Variants in MDFIC2 observed in about 807,000 individuals in gnomAD.
MDFIC2 encodes the protein myoD family inhibitor domain-containing protein 2.
chr3:70,246,935 G>A (rs755030299), intron 2 of MDFIC2, among the ~76,000 whole-genome samples: 31 of 151,796 alleles, frequency 2.0e-4, no homozygotes, highest in Admixed American at 1.2e-3. Context: ...TCAATAATTC[G>A]TAATTATAGG....
Position 70,214,891 on chromosome 3 carries a change from ATAGT to A in MDFIC2, c.89-8105_89-8102del, listed in dbSNP as rs1270404989. Among the ~76,000 whole-genome samples the A allele has an allele frequency of 3.9e-5, 6 of 152,104 alleles. No homozygotes were observed. The East Asian group carries it at 9.7e-4, about 24-fold the overall frequency. ...AAAGATTATGTTATCTGAGAAAAAA[ATAGT>A]TAGCAGTTTTTATAGTTTGATGCAC... On this transcript the variant is annotated intron_variant, in intron 2 of 3. Coordinates refer to ENST00000567252, the MANE Select transcript of MDFIC2 (RefSeq NM_001364677.1).
chr3:70,248,462 G>T (rs1575606209), intron 2 of MDFIC2, among the ~76,000 whole-genome samples: 1 of 152,062 alleles, frequency 6.6e-6, no homozygotes, highest in Non-Finnish European at 1.5e-5. Context: ...AGGGTAGAAA[G>T]AATGCCAGGA....
At chr3:70,222,929 G>T (rs1486134978) in intron 2 of MDFIC2, among the ~76,000 whole-genome samples, 1 of 152,086 alleles carries the variant, frequency 6.6e-6, no homozygotes, top group Non-Finnish European at 1.5e-5. Context: ...AAGCCCAAAT[G>T]GTATACCTAC....
At chr3:70,225,685 G>C (rs1352833106) in intron 2 of MDFIC2, among the ~76,000 whole-genome samples, 1 of 152,156 alleles carries the variant, frequency 6.6e-6, no homozygotes, top group Non-Finnish European at 1.5e-5. Flanking sequence ...AAGCAGTTTA[G>C]TGTTTCTTGA....
At chr3:70,274,242 CAGTT>C (rs761068015) in intron 2 of MDFIC2, among the ~76,000 whole-genome samples, 36 of 151,978 alleles carry the variant, frequency 2.4e-4, no homozygotes, top group Admixed American at 3.9e-4. Context: ...TTAATACTCT[CAGTT>C]AGTTCAACCA....
At chr3:70,310,843 G>C (rs1702448017) in intron 2 of MDFIC2, among the ~76,000 whole-genome samples, 1 of 152,120 alleles carries the variant, frequency 6.6e-6, no homozygotes, top group Non-Finnish European at 1.5e-5. Context: ...TGATGAGGTG[G>C]TGGTTACATT....
chr3:70,263,801 G>A (rs537201708), intron 2 of MDFIC2, among the ~76,000 whole-genome samples: 5 of 151,978 alleles, frequency 3.3e-5, no homozygotes, highest in Admixed American at 1.3e-4. Flanking sequence ...CTGGGTTCCC[G>A]TTGCTATATC....
At chr3:70,233,201 G>A (rs960825104) in intron 2 of MDFIC2, among the ~76,000 whole-genome samples, 1 of 152,118 alleles carries the variant, frequency 6.6e-6, no homozygotes, top group African/African-American at 2.4e-5. Flanking sequence ...CTAAAAGCGA[G>A]CTCTCCCAAA....
intron 2 of MDFIC2, among the ~76,000 whole-genome samples, chr3:70,233,647 T>C (rs980064306): frequency 3.3e-5 from 5 of 152,184 alleles, no homozygotes; most frequent in Non-Finnish European, 5.9e-5. Flanking sequence ...TTGTAATCCA[T>C]GCATCCCTCT....
At chr3:70,240,935 C>T (rs141232894) in intron 2 of MDFIC2, among the ~76,000 whole-genome samples, 129 of 152,272 alleles carry the variant, frequency 8.5e-4, no homozygotes, top group Middle Eastern at 3.4e-3. Flanking sequence ...GTTGATTCAT[C>T]ATTTGATAAA....
chr3:70,200,233 A>C (rs550957849), intron 3 of MDFIC2, among the ~76,000 whole-genome samples: 3 of 152,288 alleles, frequency 2.0e-5, no homozygotes, highest in South Asian at 4.1e-4. Flanking sequence ...CTGCTTCCAC[A>C]TGAGCCCGCT....
intron 2 of MDFIC2, among the ~76,000 whole-genome samples, chr3:70,260,212 C>G (rs1701852778): frequency 6.6e-6 from 1 of 152,156 alleles, no homozygotes; most frequent in Non-Finnish European, 1.5e-5. Flanking sequence ...CCAGCAATCA[C>G]AGGCATTCCT....
At chr3:70,248,619 C>A (rs1701730984) in intron 2 of MDFIC2, among the ~76,000 whole-genome samples, 1 of 151,942 alleles carries the variant, frequency 6.6e-6, no homozygotes, top group Non-Finnish European at 1.5e-5. Context: ...ATTAGAAGAG[C>A]AATATTTAGG....
At chr3:70,295,705 CAAAT>C (rs1380586362) in intron 2 of MDFIC2, among the ~76,000 whole-genome samples, 4 of 151,906 alleles carry the variant, frequency 2.6e-5, no homozygotes, top group Non-Finnish European at 5.9e-5. Flanking sequence ...AATAAATAAA[CAAAT>C]AAATATACAA....
intron 2 of MDFIC2, among the ~76,000 whole-genome samples, chr3:70,290,044 C>T (rs1327121114): frequency 6.6e-6 from 1 of 152,178 alleles, no homozygotes; most frequent in African/African-American, 2.4e-5. Flanking sequence ...TCGTCTGAAG[C>T]CTTCTTCTCT....
At chr3:70,233,561 CACCAAGAAG>C (rs1701581156) in intron 2 of MDFIC2, among the ~76,000 whole-genome samples, 1 of 152,168 alleles carries the variant, frequency 6.6e-6, no homozygotes, top group Admixed American at 6.5e-5. Flanking sequence ...CATATGTGTG[CACCAAGAAG>C]CCATCCCCAC....
chr3:70,228,593 G>A lies in MDFIC2; in HGVS notation c.89-21803C>T, dbSNP rs148832243. On this transcript the variant is annotated intron_variant, in intron 2 of 3. Coordinates refer to ENST00000567252, the MANE Select transcript of MDFIC2 (RefSeq NM_001364677.1). The stretch of plus-strand genomic sequence containing the variant: ...AATGAAAGGAAAATATTTCAGAGTC[G>A]ACTTACTGGAACCTGATGAAACATT... 3.8e-3 allele frequency among the ~76,000 whole-genome samples: 563 copies of A among 149,762 alleles called. 3 individuals carry two copies. The highest frequency in any genetic ancestry group is 0.013 in the African/African-American group (531 of 40,976).
At chr3:70,216,677 G>A (rs1036230297) in intron 2 of MDFIC2, among the ~76,000 whole-genome samples, 5 of 152,082 alleles carry the variant, frequency 3.3e-5, no homozygotes, top group African/African-American at 1.2e-4. Flanking sequence ...TCATCCTAAA[G>A]CTTATTGAAA....
At chr3:70,224,489 A>C (rs1174444106) in intron 2 of MDFIC2, among the ~76,000 whole-genome samples, 3 of 152,202 alleles carry the variant, frequency 2.0e-5, no homozygotes, top group Non-Finnish European at 1.5e-5. Flanking sequence ...TGTTGGCAGC[A>C]CTTAATGAGT....
Sources: allele counts gnomAD v4.1 joint callset (sites outside exome capture counted in the v4.1 genomes callset), GRCh38; gene constraint gnomAD v4.1.1; transcripts MANE v1.5; gene names NCBI Gene and HGNC (gene_info 2026-07-23, HGNC 2026-07-21).